The following NAV3 variants were observed in gnomAD, a reference collection of about 807,000 sequenced individuals.
NAV3 encodes neuron navigator 3, also known as pore membrane and/or filament interacting like protein 1.
A neutral mutation model predicts 244.7 loss-of-function variants in NAV3; 87 were observed. The ratio of observed to expected loss-of-function variants is 0.36; its 90% confidence interval spans 0.30 to 0.42. NAV3 has a LOEUF of 0.42. Ranked by LOEUF, NAV3 falls within the 20% of genes least tolerant of loss-of-function variation. NAV3 has a pLI of 1.00. For missense variants in NAV3, 2,663 were observed against 2,893.3 expected (o/e 0.92, Z 1.83); for synonymous variants, 1,126 against 1,042.2 (o/e 1.08, Z -1.55).
chr12:77,856,535 T>C (rs1363740958), intron 1 of NAV3, among the ~76,000 whole-genome samples: 1 of 152,110 alleles, frequency 6.6e-6, no homozygotes, highest in African/African-American at 2.4e-5. Context: ...GAATTTAAAA[T>C]CTTACCTCCA....
intron 2 of NAV3, among the ~76,000 whole-genome samples, chr12:77,723,755 C>CTTTTTTTTTTTTTT (rs34518266): frequency 4.4e-5 from 3 of 67,654 alleles, no homozygotes; most frequent in Admixed American, 2.1e-4. Flanking sequence ...GCAATCTTGA[C>CTTTTTTTTTTTTTT]TTTTTTTTTT....
At chr12:77,746,622 G>A (rs1868558054) in intron 2 of NAV3, among the ~76,000 whole-genome samples, 1 of 152,124 alleles carries the variant, frequency 6.6e-6, no homozygotes, top group South Asian at 2.1e-4. Flanking sequence ...ATGGAGAAAG[G>A]AGGATTGAGG....
At position 77,683,903 on chromosome 12, in the gene NAV3, T is replaced by A. The variant is rs756377194; in HGVS notation, c.72+111637T>A. 3.3e-5 allele frequency among the ~76,000 whole-genome samples: 5 copies of A among 152,312 alleles called. No homozygotes were observed. The East Asian group carries it at 9.6e-4, about 29-fold the overall frequency. On this transcript the variant is annotated intron_variant, in intron 2 of 8. Transcript: ENST00000550042. ...ATTATGAATAAAGTTACTCCATACA[T>A]TTGTGTATAATATTTTGGGGGACAT...
At chr12:78,137,999 A>C (rs1956446845) in intron 19 of NAV3, among the ~76,000 whole-genome samples, 2 of 152,146 alleles carry the variant, frequency 1.3e-5, no homozygotes, top group Admixed American at 1.3e-4. Context: ...TAAACTGTAG[A>C]AGCTCAAATG....
At chr12:78,084,806 TA>T (rs1190148202) in intron 12 of NAV3, among the ~76,000 whole-genome samples, 1 of 152,192 alleles carries the variant, frequency 6.6e-6, no homozygotes, top group African/African-American at 2.4e-5. Flanking sequence ...TCGATGTTGC[TA>T]AATTCATTGT....
intron 7 of NAV3, among the ~76,000 whole-genome samples, chr12:78,002,256 A>AGGTGTTTT (rs1484917569): frequency 2.5e-4 from 38 of 152,248 alleles, no homozygotes; most frequent in African/African-American, 8.4e-4. Context: ...CTTAGTGGAG[A>AGGTGTTTT]GGTGTTTTTC....
chr12:77,745,988 TAAA>T (rs35139297), intron 2 of NAV3, among the ~76,000 whole-genome samples: 11 of 107,538 alleles, frequency 1.0e-4, no homozygotes, highest in Admixed American at 1.0e-4. Context: ...AGACTTAAGG[TAAA>T]AAAAAAAAAA....
At chr12:77,932,007 T>C (rs1286864521) in intron 1 of NAV3, among the ~76,000 whole-genome samples, 1 of 152,084 alleles carries the variant, frequency 6.6e-6, no homozygotes, top group East Asian at 1.9e-4. Flanking sequence ...ATTGATTCAC[T>C]GGGTACCATG....
chr12:78,203,462 A>C (rs531369357), intron 38 of NAV3, among the ~76,000 whole-genome samples: 2 of 152,252 alleles, frequency 1.3e-5, no homozygotes, highest in South Asian at 2.1e-4. Flanking sequence ...AAAAAAGTAT[A>C]ATGATTGTAC....
chr12:77,984,400 T>C (rs1303153779), intron 5 of NAV3, among the ~76,000 whole-genome samples: 1 of 151,972 alleles, frequency 6.6e-6, no homozygotes, highest in Non-Finnish European at 1.5e-5. Flanking sequence ...CAAGTGCAGG[T>C]GTGCAGGGTA....
intron 2 of NAV3, among the ~76,000 whole-genome samples, chr12:77,630,522 A>G (rs1014378883): frequency 2.0e-5 from 3 of 152,160 alleles, no homozygotes; most frequent in African/African-American, 2.4e-5. Flanking sequence ...CAGCTTTGTA[A>G]CAGAATAAAT....
rs1358685345 is a variant in NAV3, at chr12:78,122,246, T to C, written c.4056T>C (p.Ser1352=). ...GGLVWAANMS[S]SSAGSKDTPS... is the part of the protein sequence containing the mutation. ...TCGTGTGGGCTGCCAATATGAGCAG[T>C]TCCTCTGCAGGCAGCAAGGATACTC... The change falls in exon 16 of 40, where the codon AGT becomes AGC. Residue 1352 remains serine, a synonymous_variant. Transcript: ENST00000397909. 2.5e-6 allele frequency: 4 copies of C among 1,614,004 alleles called. No individual in the cohort carries two copies. Among genetic ancestry groups the C allele is most frequent in the Non-Finnish European group, 3.4e-6 (4 of 1,180,032 alleles).
At chr12:78,160,934 C>T (rs1957518262) in intron 23 of NAV3, among the ~76,000 whole-genome samples, 2 of 151,592 alleles carry the variant, frequency 1.3e-5, no homozygotes, top group East Asian at 1.9e-4. Context: ...CTTTCTCCTC[C>T]CTTACACCCT....
At chr12:77,879,669 A>C (rs941331153) in intron 1 of NAV3, among the ~76,000 whole-genome samples, 1 of 126,646 alleles carries the variant, frequency 7.9e-6, no homozygotes, top group Non-Finnish European at 1.6e-5. Flanking sequence ...CGAAAGAGCG[A>C]AGTGAAACTC....
chr12:78,006,240 T>C (rs968693795), intron 7 of NAV3, among the ~76,000 whole-genome samples, 179 bp from the exon 8 acceptor site: 41 of 151,674 alleles, frequency 2.7e-4, no homozygotes, highest in African/African-American at 8.9e-4. Flanking sequence ...TCAAACACTC[T>C]GCATTTTTGA....
chr12:77,804,112 T>TTTGG (rs1483523109), intron 2 of NAV3, among the ~76,000 whole-genome samples: 1 of 152,082 alleles, frequency 6.6e-6, no homozygotes, highest in African/African-American at 2.4e-5. Context: ...TTTTGTTTTG[T>TTTGG]TTTGTTTGTT....
chr12:77,966,168 C>A (rs1255923726), intron 3 of NAV3, 61 bp from the exon 4 acceptor site: 5 of 1,347,580 alleles, frequency 3.7e-6, no homozygotes, highest in East Asian at 2.3e-5. Context: ...TTCATTTTGG[C>A]ACATGTATTT....
At chr12:77,861,749 C>T (rs1352019273) in intron 1 of NAV3, among the ~76,000 whole-genome samples, 1 of 151,710 alleles carries the variant, frequency 6.6e-6, no homozygotes, top group Non-Finnish European at 1.5e-5. Flanking sequence ...TATAAAGAAA[C>T]TTCCTGAAAT....
intron 23 of NAV3, among the ~76,000 whole-genome samples, chr12:78,160,396 T>TGTGTGTGC (rs1340036354): frequency 1.2e-5 from 1 of 86,006 alleles, no homozygotes; most frequent in African/African-American, 4.2e-5. Context: ...TGTGTGTGTG[T>TGTGTGTGC]GTGCGTGCGT....
Sources: allele counts gnomAD v4.1 joint callset (sites outside exome capture counted in the v4.1 genomes callset), GRCh38; gene constraint gnomAD v4.1.1; transcripts MANE v1.5; gene names NCBI Gene and HGNC (gene_info 2026-07-23, HGNC 2026-07-21).